The following GRID2 variants were observed in gnomAD, a reference collection of about 807,000 sequenced individuals.
GRID2 encodes glutamate ionotropic receptor delta type subunit 2.
In GRID2, 33 loss-of-function variants were observed where a neutral mutation model predicts 114.8. The observed-to-expected ratio is 0.29, with a 90% CI of 0.22 to 0.38. The LOEUF (loss-of-function observed/expected upper bound fraction) is 0.38, where lower values mean the gene tolerates loss of function less well. GRID2 is among the 10% of genes least tolerant of loss of function. The probability of loss-of-function intolerance (pLI) is 1.00; values close to 1 mark genes in which losing one functional copy is unlikely to be tolerated. For synonymous variants in GRID2, 505 were observed against 449.9 expected (o/e 1.12, Z -1.55); for missense variants, 1,184 against 1,257.7 (o/e 0.94, Z 0.89).
chr4:93,348,493 G>A (rs956674003), intron 8 of GRID2, among the ~76,000 whole-genome samples: 7 of 152,242 alleles, frequency 4.6e-5, no homozygotes, highest in Admixed American at 4.6e-4. Context: ...GAAAATGTCC[G>A]AAGCAAAGTG....
chr4:93,422,389 G>C (rs906610616), intron 9 of GRID2, among the ~76,000 whole-genome samples: 2 of 151,938 alleles, frequency 1.3e-5, no homozygotes, highest in Admixed American at 6.6e-5. Flanking sequence ...AATTTTATTG[G>C]ATGTAATTTA....
intron 1 of GRID2, among the ~76,000 whole-genome samples, chr4:92,505,522 G>T (rs1723918003): frequency 6.6e-6 from 1 of 152,142 alleles, no homozygotes; most frequent in East Asian, 1.9e-4. Context: ...CAATGGTCAT[G>T]ATGCCCACGG....
chr4:93,636,088 CCT>C (rs1301524052), intron 14 of GRID2, among the ~76,000 whole-genome samples: 1 of 152,072 alleles, frequency 6.6e-6, no homozygotes, highest in Non-Finnish European at 1.5e-5. Flanking sequence ...GCAACAGTAC[CCT>C]TAATGAACAA....
At position 93,490,758 on chromosome 4, in the gene GRID2, C is replaced by A. The variant is rs781013535; in HGVS notation, c.1978C>A (p.Arg660Ser). The change falls in exon 12 of 16, where the codon CGC becomes AGC. Residue 660 changes from arginine to serine, a missense_variant. Arg to Ser is a moderately radical substitution (Grantham distance 110). Coordinates refer to ENST00000282020, the MANE Select transcript of GRID2 (RefSeq NM_001510.4). ...CCTCGCTGCTTTCCTCACTATTACA[C>A]GCATTGAAAGTTCCATCCAGTAAGT... ...ANLAAFLTIT[R>S]IESSIQSLQD... 1.2e-6 allele frequency: 2 copies of A among 1,608,724 alleles called. No individual in the cohort carries two copies. Among genetic ancestry groups the A allele is most frequent in the South Asian group, 1.1e-5 (1 of 90,650 alleles).
intron 14 of GRID2, among the ~76,000 whole-genome samples, chr4:93,694,834 C>T (rs1440007263): frequency 6.6e-6 from 1 of 152,118 alleles, no homozygotes; most frequent in East Asian, 1.9e-4. Context: ...CCCGGAAATG[C>T]TCACCCCGAA....
At chr4:92,701,424 A>G (rs1187803262) in intron 2 of GRID2, among the ~76,000 whole-genome samples, 1 of 152,154 alleles carries the variant, frequency 6.6e-6, no homozygotes, top group Non-Finnish European at 1.5e-5. Flanking sequence ...TTAAAATGAG[A>G]CAAAGTACTC....
chr4:92,722,139 G>A (rs1404007147), intron 2 of GRID2, among the ~76,000 whole-genome samples: 2 of 152,184 alleles, frequency 1.3e-5, no homozygotes, highest in Non-Finnish European at 2.9e-5. Flanking sequence ...TGTAGTCCGT[G>A]AGAGACATCA....
chr4:93,083,987 A>C (rs982876172), intron 2 of GRID2, among the ~76,000 whole-genome samples: 3 of 152,102 alleles, frequency 2.0e-5, no homozygotes, highest in African/African-American at 7.2e-5. Flanking sequence ...TAAGTTTTTA[A>C]AGAACTATGT....
At chr4:93,724,839 G>A (rs182519527) in intron 14 of GRID2, among the ~76,000 whole-genome samples, 1 of 152,182 alleles carries the variant, frequency 6.6e-6, no homozygotes, top group Admixed American at 6.5e-5. Flanking sequence ...GAGTGCAGCG[G>A]CATGATCTCA....
intron 8 of GRID2, among the ~76,000 whole-genome samples, chr4:93,377,856 A>G (rs1316962927): frequency 1.3e-5 from 2 of 148,392 alleles, no homozygotes; most frequent in South Asian, 2.3e-4. Context: ...GCATTCTGGA[A>G]AAAAAAAATG....
intron 2 of GRID2, among the ~76,000 whole-genome samples, chr4:93,084,703 C>G (rs1231740204): frequency 6.6e-6 from 1 of 152,170 alleles, no homozygotes; most frequent in Non-Finnish European, 1.5e-5. Context: ...TTTCTCTAAT[C>G]CTTGCAATAA....
chr4:93,332,505 A>G (rs933169954), intron 8 of GRID2, among the ~76,000 whole-genome samples: 37 of 152,210 alleles, frequency 2.4e-4, no homozygotes, highest in African/African-American at 8.4e-4. Context: ...TCTAATATAT[A>G]CCACATGTTT....
chr4:93,312,174 C>T (rs1579634052), intron 8 of GRID2, among the ~76,000 whole-genome samples: 1 of 152,108 alleles, frequency 6.6e-6, no homozygotes, highest in African/African-American at 2.4e-5. Flanking sequence ...AGGCACAGAC[C>T]ATGGCCCTAA....
chr4:93,637,518 C>T (rs992201875), intron 14 of GRID2, among the ~76,000 whole-genome samples: 3 of 152,076 alleles, frequency 2.0e-5, no homozygotes, highest in Non-Finnish European at 2.9e-5. Flanking sequence ...TCATGACTGC[C>T]GACATGGCTG....
At chr4:92,718,652 G>GA (rs1378831805) in intron 2 of GRID2, among the ~76,000 whole-genome samples, 3 of 147,848 alleles carry the variant, frequency 2.0e-5, no homozygotes, top group Non-Finnish European at 3.0e-5. Flanking sequence ...AGCCATAGAT[G>GA]ATCAGGAGGC....
intron 1 of GRID2, among the ~76,000 whole-genome samples, chr4:92,507,935 C>T (rs553179130): frequency 6.6e-6 from 1 of 152,006 alleles, no homozygotes; most frequent in Non-Finnish European, 1.5e-5. Flanking sequence ...ATACCCTTCC[C>T]TGGCTTTACT....
chr4:93,577,311 T>A (rs1430413114), intron 13 of GRID2, among the ~76,000 whole-genome samples: 1 of 152,084 alleles, frequency 6.6e-6, no homozygotes, highest in Non-Finnish European at 1.5e-5. Context: ...CATGGAAACA[T>A]TTATAGAAGA....
intron 2 of GRID2, among the ~76,000 whole-genome samples, chr4:92,633,844 T>C (rs887361953): frequency 6.6e-5 from 10 of 151,768 alleles, no homozygotes; most frequent in African/African-American, 2.4e-4. Flanking sequence ...TTTTGCCAAG[T>C]CAACTGCATT....
chr4:93,380,800 C>T (rs1307943929), intron 8 of GRID2, among the ~76,000 whole-genome samples: 1 of 151,946 alleles, frequency 6.6e-6, no homozygotes, highest in Non-Finnish European at 1.5e-5. Flanking sequence ...TACTCTAAAG[C>T]ATATTGTCTT....
Sources: gnomAD v4.1 joint callset for allele counts (sites outside exome capture counted in the v4.1 genomes callset) on GRCh38, gnomAD v4.1.1 for gene constraint, MANE v1.5 for transcripts, NCBI Gene and HGNC (gene_info 2026-07-23, HGNC 2026-07-21) for gene names.